The following MED12L variants were observed in gnomAD, a reference collection of about 807,000 sequenced individuals.
MED12L encodes mediator of RNA polymerase II transcription subunit 12-like protein.
Under a neutral mutation model 281.3 loss-of-function variants are expected in MED12L, and 60 were observed. The ratio of observed to expected loss-of-function variants is 0.21; its 90% CI spans 0.17 to 0.26. MED12L has a LOEUF of 0.26. Among genes scored for constraint, MED12L ranks in the 10% least tolerant of loss-of-function variants. MED12L has a pLI of 1.00. For synonymous variants in MED12L, 974 were observed against 987.2 expected, an observed-to-expected ratio of 0.99 and a Z score of 0.25; for missense variants, 2,146 against 2,680.9, an observed-to-expected ratio of 0.80 and a Z score of 4.41.
intron 39 of MED12L, among the ~76,000 whole-genome samples, chr3:151,400,109 G>A (rs1715487251): frequency 6.6e-6 from 1 of 151,920 alleles, no homozygotes; most frequent in East Asian, 1.9e-4. Context: ...TTATAGGCGC[G>A]AGCCACCGCG....
At chr3:151,100,394 G>A (rs749069901) in intron 2 of MED12L, among the ~76,000 whole-genome samples, 35 of 152,288 alleles carry the variant, frequency 2.3e-4, no homozygotes, top group Non-Finnish European at 3.5e-4. Flanking sequence ...AATCTAATGA[G>A]GTTGTTGAGA....
At chr3:151,289,378 A>G (rs919990130) in intron 16 of MED12L, among the ~76,000 whole-genome samples, 6 of 152,232 alleles carry the variant, frequency 3.9e-5, no homozygotes, top group Admixed American at 2.6e-4. Flanking sequence ...TAAGGCATAG[A>G]AAAAGATACT....
chr3:151,096,360 T>C (rs1720706079), intron 2 of MED12L, among the ~76,000 whole-genome samples: 1 of 152,184 alleles, frequency 6.6e-6, no homozygotes, highest in Admixed American at 6.5e-5. Context: ...TGAATAATCA[T>C]GAGGGCCACT....
intron 18 of MED12L, 85 bp from the exon 19 acceptor site, chr3:151,355,811 T>C: frequency 8.1e-7 from 1 of 1,238,864 alleles, no homozygotes; most frequent in South Asian, 1.6e-5. Flanking sequence ...TAGATTCAAC[T>C]GTCTTAAAAA....
At chr3:151,429,232 C>G (rs765689333) in intron 43 of MED12L, among the ~76,000 whole-genome samples, 14 of 152,166 alleles carry the variant, frequency 9.2e-5, no homozygotes, top group African/African-American at 3.4e-4. Context: ...TCACTCTGCT[C>G]CCTCCCAGCC....
intron 16 of MED12L, among the ~76,000 whole-genome samples, chr3:151,308,901 GA>G (rs1229596833): frequency 1.3e-5 from 2 of 152,150 alleles, no homozygotes; most frequent in Non-Finnish European, 2.9e-5. Flanking sequence ...AATTACCTAA[GA>G]GAGCATTTTT....
chr3:151,213,256 T>C (rs201740627), intron 16 of MED12L: 2 of 1,434,144 alleles, frequency 1.4e-6, no homozygotes, highest in Admixed American at 4.4e-5. Flanking sequence ...TAATTGAAGA[T>C]GACAACATGC....
In MED12L at chr3:151,404,621, A is replaced by G. The variant is rs536830104; in HGVS notation, c.5821-4622A>G. 3.9e-5 allele frequency among the ~76,000 whole-genome samples: 6 copies of G among 152,372 alleles called. No individual in the cohort carries two copies. The South Asian group carries it at 1.2e-3, about 32-fold the overall frequency. On this transcript the variant is annotated intron_variant, in intron 39 of 44. Coordinates refer to ENST00000687756, the MANE Select transcript of MED12L (RefSeq NM_001393769.1). ...CTTTCTGCTAGGTGACTTGTAAAAC[A>G]TTACCCACTGGTTTTTGTTATGTGC...
chr3:151,410,002 G>C (rs777412043), intron 40 of MED12L, among the ~76,000 whole-genome samples: 1 of 152,120 alleles, frequency 6.6e-6, no homozygotes, highest in African/African-American at 2.4e-5. Context: ...TAGCATCAAT[G>C]AGGAATCATG....
intron 16 of MED12L, among the ~76,000 whole-genome samples, chr3:151,202,064 A>G (rs1331367471): frequency 6.6e-6 from 1 of 152,242 alleles, no homozygotes; most frequent in Non-Finnish European, 1.5e-5. Context: ...GAAATGAATA[A>G]TCATTCAGTA....
intron 5 of MED12L, among the ~76,000 whole-genome samples, chr3:151,132,529 G>C (rs1305663235): frequency 6.6e-6 from 1 of 152,160 alleles, no homozygotes; most frequent in Non-Finnish European, 1.5e-5. Flanking sequence ...GTGATGCTGT[G>C]AATGTATCAG....
At chr3:151,242,542 C>A (rs1335545474) in intron 16 of MED12L, among the ~76,000 whole-genome samples, 1 of 152,210 alleles carries the variant, frequency 6.6e-6, no homozygotes, top group Non-Finnish European at 1.5e-5. Flanking sequence ...TCCAACAGAC[C>A]TGCAGCTGAG....
At position 151,433,666 on chromosome 3, in the gene MED12L, A is replaced by AG. The variant is rs1315611180; in HGVS notation, c.*866dup. The AG allele has an allele frequency of 6.6e-6, 1 of 152,558 alleles. No homozygotes were observed. Among genetic ancestry groups the AG allele is most frequent in the Non-Finnish European group, 1.5e-5 (1 of 68,036 alleles). 9.5% of individuals were successfully genotyped at this position (152,558 alleles called of 1,614,324 possible). A position where few individuals can be genotyped will look rare whatever the true frequency, so the allele number is the denominator to read the frequency against. On this transcript the variant is annotated 3_prime_UTR_variant, in exon 45 of 45. Coordinates refer to ENST00000687756, the MANE Select transcript of MED12L (RefSeq NM_001393769.1). ...TTCTCCTGAACCTTATGCCACCTTA[A>AG]GGGGAAAAAAAAATCCAGTAGCTGG...
At chr3:151,282,577 T>C (rs1479727820) in intron 16 of MED12L, among the ~76,000 whole-genome samples, 1 of 152,186 alleles carries the variant, frequency 6.6e-6, no homozygotes, top group African/African-American at 2.4e-5. Flanking sequence ...TTGGAAATTG[T>C]CCTCTATAGG....
At chr3:151,161,679 G>GA (rs1553817273) in intron 8 of MED12L, among the ~76,000 whole-genome samples, 1 of 152,224 alleles carries the variant, frequency 6.6e-6, no homozygotes, top group Non-Finnish European at 1.5e-5. Context: ...TAGCCTTTGA[G>GA]ATGGGAACCA....
intron 2 of MED12L, among the ~76,000 whole-genome samples, chr3:151,115,686 C>T (rs561645883): frequency 3.0e-4 from 45 of 151,882 alleles, no homozygotes; most frequent in East Asian, 7.7e-4. Context: ...TTTTATATTT[C>T]GGTGAGATTT....
At chr3:151,144,715 C>G (rs1448103690) in intron 5 of MED12L, among the ~76,000 whole-genome samples, 1 of 152,206 alleles carries the variant, frequency 6.6e-6, no homozygotes, top group Non-Finnish European at 1.5e-5. Context: ...GCCCTTCACT[C>G]ACTGTGGCTG....
At chr3:151,128,036 A>G in intron 5 of MED12L, 52 bp downstream of exon 5, 1 of 1,513,286 alleles carries the variant, frequency 6.6e-7, no homozygotes, top group Non-Finnish European at 9.1e-7. Context: ...TTTTGCAAGT[A>G]ATTGTTGCCT....
chr3:151,311,423 A>G (rs1347798499), intron 16 of MED12L, among the ~76,000 whole-genome samples: 2 of 152,122 alleles, frequency 1.3e-5, no homozygotes, highest in Non-Finnish European at 2.9e-5. Context: ...AGCAGATACT[A>G]TAGTTTTATT....
Sources: gnomAD v4.1 joint callset for allele counts (sites outside exome capture counted in the v4.1 genomes callset) on GRCh38, gnomAD v4.1.1 for gene constraint, MANE v1.5 for transcripts, NCBI Gene and HGNC (gene_info 2026-07-23, HGNC 2026-07-21) for gene names.